The following RAP1B variants were observed in gnomAD, a reference collection of about 807,000 sequenced individuals.
RAP1B encodes ras-related protein Rap-1b.
A neutral mutation model predicts 27.5 loss-of-function variants in RAP1B; 1 was observed. The ratio of observed to expected loss-of-function variants is 0.04; its 90% confidence interval spans 0.01 to 0.17. RAP1B has a LOEUF of 0.17. Ranked by LOEUF, RAP1B falls within the 10% of genes least tolerant of loss-of-function variation. The pLI, the probability that RAP1B is intolerant of heterozygous loss-of-function variation, is 1.00. For missense variants in RAP1B, 84 were observed against 214.8 expected (o/e 0.39, Z 3.81); for synonymous variants, 75 against 73.1 (o/e 1.03, Z -0.13).
chr12:68,611,466 T>TG (rs1870579993), intron 1 of RAP1B, among the ~76,000 whole-genome samples: 1 of 151,116 alleles, frequency 6.6e-6, no homozygotes. Flanking sequence ...GCTTGTCGCC[T>TG]GGGTTCCCTC....
At chr12:68,611,551 G>C (rs897558596) in intron 1 of RAP1B, among the ~76,000 whole-genome samples, 3 of 152,104 alleles carry the variant, frequency 2.0e-5, no homozygotes, top group African/African-American at 7.2e-5. Context: ...CCAGCCCCGA[G>C]CTAGGGCGAG....
Position 68,667,825 on chromosome 12 carries a change from T to G in RAP1B, c.*8576T>G, listed in dbSNP as rs1874918181. 1 of 152,212 alleles carries G rather than the reference T, an allele frequency of 6.6e-6. No homozygotes were observed. The highest frequency in any genetic ancestry group is 1.5e-5 in the Non-Finnish European group (1 of 68,040). 9.4% of individuals were successfully genotyped at this position (152,212 alleles called of 1,614,324 possible). On this transcript the variant is annotated 3_prime_UTR_variant, in exon 8 of 8. Coordinates refer to ENST00000250559, the MANE Select transcript of RAP1B (RefSeq NM_001010942.3). ...ACGGGAGATTTATAAGTCTATTTTG[T>G]TAGAATAAAAAGCAATAATACTTCC...
chr12:68,640,443 T>C (rs1386149841), intron 1 of RAP1B, among the ~76,000 whole-genome samples: 1 of 152,164 alleles, frequency 6.6e-6, no homozygotes, highest in Admixed American at 6.5e-5. Flanking sequence ...ATATTCCCAC[T>C]GCCTAGAATA....
chr12:68,651,953 G>A (rs761806024), intron 3 of RAP1B, 42 bp from the exon 4 acceptor site: 1 of 1,523,376 alleles, frequency 6.6e-7, no homozygotes, highest in African/African-American at 1.4e-5. Context: ...GTAGTTTTAT[G>A]TACATTGAAA....
In RAP1B at chr12:68,664,357, C is replaced by T. The variant is rs1874756435; in HGVS notation, c.*5108C>T. On this transcript the variant is annotated 3_prime_UTR_variant, in exon 8 of 8. Coordinates refer to ENST00000250559, the MANE Select transcript of RAP1B (RefSeq NM_001010942.3). ...AGGAAATTCTATTAACTGTCAAACTCTTTAATGTGCAGTGCAGTAGGTTTG... is the reference window on the plus strand; with the variant it reads ...AGGAAATTCTATTAACTGTCAAACTTTTTAATGTGCAGTGCAGTAGGTTTG... 1 of 152,096 alleles carries T rather than the reference C, an allele frequency of 6.6e-6. No homozygotes were observed. The highest frequency in any genetic ancestry group is 6.6e-5 in the Admixed American group (1 of 15,244). 9.4% of individuals were successfully genotyped at this position (152,096 alleles called of 1,614,324 possible). A position where few individuals can be genotyped will look rare whatever the true frequency, so the allele number is the denominator to read the frequency against.
intron 4 of RAP1B, among the ~76,000 whole-genome samples, chr12:68,652,692 C>A (rs988401912): frequency 6.6e-6 from 1 of 152,022 alleles, no homozygotes; most frequent in Non-Finnish European, 1.5e-5. Context: ...GTGTTACACA[C>A]CTGTAATCCC....
chr12:68,621,964 A>G (rs562815916), intron 1 of RAP1B, among the ~76,000 whole-genome samples: 1 of 152,216 alleles, frequency 6.6e-6, no homozygotes, highest in African/African-American at 2.4e-5. Flanking sequence ...TTTTTAGCTC[A>G]TTCCATTGGG....
chr12:68,642,250 CTT>C (rs1873068948), intron 1 of RAP1B, among the ~76,000 whole-genome samples: 2 of 151,972 alleles, frequency 1.3e-5, no homozygotes. Flanking sequence ...AATAAATGCT[CTT>C]GTTTATAAGG....
chr12:68,667,845 A>C lies in RAP1B; in HGVS notation c.*8596A>C, dbSNP rs983438692. On this transcript the variant is annotated 3_prime_UTR_variant, in exon 8 of 8. Transcript: ENST00000250559. Reference sequence around the variant, plus strand: ...TTTTGTTAGAATAAAAAGCAATAATACTTCCTGAAATACATCTTGGGCTCT... The same window carrying C: ...TTTTGTTAGAATAAAAAGCAATAATCCTTCCTGAAATACATCTTGGGCTCT... 8 of 152,324 alleles carry C rather than the reference A, an allele frequency of 5.3e-5. No homozygotes were observed. Among genetic ancestry groups the C allele is most frequent in the African/African-American group, 1.7e-4 (7 of 41,576 alleles). The allele number at this position is 152,324 out of a possible 1,614,324, so 9.4% of individuals were successfully genotyped here.
At chr12:68,643,971 A>C (rs1189332330) in intron 1 of RAP1B, among the ~76,000 whole-genome samples, 2 of 151,826 alleles carry the variant, frequency 1.3e-5, no homozygotes, top group African/African-American at 4.8e-5. Flanking sequence ...TTCATTTTCT[A>C]TTATAATCTC....
At chr12:68,618,658 ACTT>A (rs1171509346) in intron 1 of RAP1B, among the ~76,000 whole-genome samples, 1 of 152,118 alleles carries the variant, frequency 6.6e-6, no homozygotes, top group African/African-American at 2.4e-5. Context: ...GGTGGATAAA[ACTT>A]CTGGCGCTTT....
In RAP1B at chr12:68,662,026, A is replaced by G. The variant is rs1030021914; in HGVS notation, c.*2777A>G. The G allele has an allele frequency of 3.4e-5, 5 of 145,794 alleles. No homozygotes were observed. The highest frequency in any genetic ancestry group is 1.2e-4 in the African/African-American group (5 of 40,292). The allele number at this position is 145,794 out of a possible 1,614,324, so 9.0% of individuals were successfully genotyped here. ...TCTAGGTCTATATATATATATATAT[A>G]TATATATTATATATAGTACATATAT... On this transcript the variant is annotated 3_prime_UTR_variant, in exon 8 of 8. Coordinates refer to ENST00000250559, the MANE Select transcript of RAP1B (RefSeq NM_001010942.3).
Position 68,665,130 on chromosome 12 carries a change from A to G in RAP1B, c.*5881A>G, listed in dbSNP as rs541160951. 6.6e-6 allele frequency: 1 copy of G among 152,256 alleles called. No individual in the cohort carries two copies. The highest frequency in any genetic ancestry group is 1.5e-5 in the Non-Finnish European group (1 of 68,076). The allele number at this position is 152,256 out of a possible 1,614,324, so 9.4% of individuals were successfully genotyped here. A position where few individuals can be genotyped will look rare whatever the true frequency, so the allele number is the denominator to read the frequency against. On this transcript the variant is annotated 3_prime_UTR_variant, in exon 8 of 8. Transcript: ENST00000250559. ...CATAGGGAGACCCTGTCACTTGACA[A>G]AAGTATCTTTCCCTACTGGAAATGG...
chr12:68,625,397 T>C (rs887215115), intron 1 of RAP1B, among the ~76,000 whole-genome samples: 3 of 152,248 alleles, frequency 2.0e-5, no homozygotes, highest in African/African-American at 7.2e-5. Context: ...AAGCAGGTAG[T>C]ATAAATGCTT....
intron 1 of RAP1B, among the ~76,000 whole-genome samples, chr12:68,638,114 T>C (rs981178704): frequency 3.3e-5 from 5 of 152,230 alleles, no homozygotes; most frequent in Admixed American, 3.3e-4. Context: ...TTGGCTTTAA[T>C]GTTTTATAGT....
At chr12:68,656,507 T>C (rs1471701644) in intron 6 of RAP1B, 58 bp downstream of exon 6, 2 of 1,531,926 alleles carry the variant, frequency 1.3e-6, no homozygotes, top group Admixed American at 3.3e-5. Flanking sequence ...TGAAGATGAA[T>C]GGAAAATGTC....
intron 4 of RAP1B, among the ~76,000 whole-genome samples, chr12:68,653,038 C>T (rs193249256): frequency 7.2e-5 from 11 of 151,880 alleles, no homozygotes; most frequent in African/African-American, 2.2e-4. Context: ...TGGTGAAACC[C>T]GTCTCTATTA....
At chr12:68,634,588 T>A (rs535451635) in intron 1 of RAP1B, among the ~76,000 whole-genome samples, 130 of 152,168 alleles carry the variant, frequency 8.5e-4, no homozygotes, top group Middle Eastern at 6.8e-3. Flanking sequence ...TATTATTATT[T>A]TTTTTTTTAC....
intron 1 of RAP1B, among the ~76,000 whole-genome samples, chr12:68,638,578 A>G (rs553254677): frequency 9.2e-5 from 14 of 152,346 alleles, no homozygotes; most frequent in Non-Finnish European, 1.6e-4. Context: ...AACAACCATT[A>G]TGAAGTTAGA....
Sources: gnomAD v4.1 joint callset for allele counts (sites outside exome capture counted in the v4.1 genomes callset) on GRCh38, gnomAD v4.1.1 for gene constraint, MANE v1.5 for transcripts, NCBI Gene and HGNC (gene_info 2026-07-23, HGNC 2026-07-21) for gene names.